Variants in FTCDNL1 observed in about 807,000 individuals in gnomAD.
FTCDNL1 encodes the protein formiminotransferase N-terminal subdomain-containing protein.
In FTCDNL1, 11 loss-of-function variants were observed where a neutral mutation model predicts 5.9. That is an observed-to-expected ratio of 1.87 (90% CI 1.18 to 3.10). The LOEUF is 3.10. FTCDNL1 is among the 30% of genes most tolerant of loss of function. FTCDNL1 has a pLI of 0.00. For synonymous variants in FTCDNL1, 58 were observed against 24.8 expected (o/e 2.34, Z -3.99); for missense variants, 115 against 65.5 (o/e 1.76, Z -2.61).
At chr2:199,703,403 GA>G in the FTCDNL1 span, among the ~76,000 whole-genome samples, 1 of 152,172 alleles carries the variant, frequency 6.6e-6, no homozygotes, top group Non-Finnish European at 1.5e-5. Context: ...GAGTCAGCAT[GA>G]AAAGAGGAAT....
At chr2:199,849,332 GT>G (rs977424975) in intron 1 of FTCDNL1, among the ~76,000 whole-genome samples, 1 of 151,930 alleles carries the variant, frequency 6.6e-6, no homozygotes, top group African/African-American at 2.4e-5. Flanking sequence ...AAACAGGTAT[GT>G]TTTTTTTGTT....
chr2:199,690,821 TTC>T, the FTCDNL1 span, among the ~76,000 whole-genome samples: 6 of 152,282 alleles, frequency 3.9e-5, no homozygotes, highest in African/African-American at 1.2e-4. Context: ...AAGAAGGAAT[TTC>T]TGTTTCCTAT....
intron 3 of FTCDNL1, among the ~76,000 whole-genome samples, chr2:199,776,491 G>A (rs1453081232): frequency 1.3e-5 from 2 of 152,156 alleles, no homozygotes; most frequent in Non-Finnish European, 2.9e-5. Flanking sequence ...GGCATATCTA[G>A]TCCAGCACTG....
the FTCDNL1 span, among the ~76,000 whole-genome samples, chr2:199,684,645 T>C: frequency 3.3e-5 from 5 of 152,190 alleles, no homozygotes; most frequent in Non-Finnish European, 7.3e-5. Context: ...ATCCCCTGGA[T>C]CAATTACACA....
chr2:199,665,755 C>A, the FTCDNL1 span, among the ~76,000 whole-genome samples: 2 of 36,554 alleles, frequency 5.5e-5, no homozygotes, highest in African/African-American at 1.7e-4. Flanking sequence ...GTCAGGAGAT[C>A]GAGAAAGAAG....
chr2:199,831,898 C>T (rs1702396588), intron 3 of FTCDNL1, among the ~76,000 whole-genome samples: 1 of 152,172 alleles, frequency 6.6e-6, no homozygotes, highest in African/African-American at 2.4e-5. Flanking sequence ...GTGTCGAGGT[C>T]TGCTTTCCAG....
intron 3 of FTCDNL1, among the ~76,000 whole-genome samples, chr2:199,771,907 C>T (rs1427242803): frequency 6.6e-6 from 1 of 152,184 alleles, no homozygotes. Context: ...GCTCTGTATA[C>T]ACTATGTTTT....
chr2:199,717,130 T>A, the FTCDNL1 span, among the ~76,000 whole-genome samples: 1 of 152,198 alleles, frequency 6.6e-6, no homozygotes, highest in African/African-American at 2.4e-5. Context: ...AATATGAACA[T>A]GGCTTGTGTC....
intron 3 of FTCDNL1, among the ~76,000 whole-genome samples, chr2:199,844,159 A>AT (rs11389472): frequency 0.055 from 7,990 of 145,114 alleles, 301 homozygotes; most frequent in East Asian, 0.14. Context: ...AAAATTATTG[A>AT]TTTTTTTTTT....
rs1417329711 is a variant in FTCDNL1 at position 199,851,126 on chromosome 2, C to T, written c.-394G>A. The stretch of plus-strand genomic sequence containing the variant: ...GCGACCGCCCAGCCCAAGTCGCCGC[C>T]GCGCGTGGCCCGCGCGCAGCCTCCG... On this transcript the variant is annotated 5_prime_UTR_variant, in exon 1 of 5. Coordinates refer to ENST00000420128, the MANE Select transcript of FTCDNL1 (RefSeq NM_001363886.2). 1 of 137,820 alleles carries T rather than the reference C, an allele frequency of 7.3e-6. No individual in the cohort carries two copies. Among genetic ancestry groups the T allele is most frequent in the African/African-American group, 3.0e-5 (1 of 32,888 alleles). The allele number at this position is 137,820 out of a possible 1,614,324, so 8.5% of individuals were successfully genotyped here.
the FTCDNL1 span, among the ~76,000 whole-genome samples, chr2:199,741,795 T>C: frequency 6.6e-6 from 1 of 152,124 alleles, no homozygotes; most frequent in East Asian, 1.9e-4. Flanking sequence ...ATATTAATGC[T>C]CTGAAAATCC....
the FTCDNL1 span, among the ~76,000 whole-genome samples, chr2:199,747,462 GT>G: frequency 6.6e-6 from 1 of 152,138 alleles, no homozygotes; most frequent in Non-Finnish European, 1.5e-5. Flanking sequence ...CAGAGGGTTT[GT>G]TTTTGTTTGG....
rs1232933513 is a variant in FTCDNL1, at chr2:199,851,012, G to T, written c.-280C>A. On this transcript the variant is annotated 5_prime_UTR_variant, in exon 1 of 5. Coordinates refer to ENST00000420128, the MANE Select transcript of FTCDNL1 (RefSeq NM_001363886.2). ...GGGCAGCCGGCGGCTGCGCTGCCCC[G>T]GCCGAGCTCTCGAACCAGCGGCCGC... 2.6e-5 allele frequency: 4 copies of T among 151,632 alleles called. No individual in the cohort carries two copies. The highest frequency in any genetic ancestry group is 5.9e-5 in the Non-Finnish European group (4 of 67,696). The allele number at this position is 151,632 out of a possible 1,614,324, so 9.4% of individuals were successfully genotyped here.
the FTCDNL1 span, among the ~76,000 whole-genome samples, chr2:199,705,830 T>C: frequency 1.3e-5 from 2 of 152,190 alleles, no homozygotes; most frequent in Non-Finnish European, 2.9e-5. Flanking sequence ...CTGTGAAGGA[T>C]AAAGGAGGAG....
the FTCDNL1 span, among the ~76,000 whole-genome samples, chr2:199,749,680 G>C: frequency 6.6e-6 from 1 of 152,112 alleles, no homozygotes; most frequent in Non-Finnish European, 1.5e-5. Flanking sequence ...ACTCTAGAAG[G>C]TGCATGTTTT....
the FTCDNL1 span, among the ~76,000 whole-genome samples, chr2:199,754,323 G>A: frequency 2.6e-5 from 4 of 152,186 alleles, no homozygotes; most frequent in Non-Finnish European, 5.9e-5. Context: ...TCATGCCCCA[G>A]AGGGAAGTGG....
intron 3 of FTCDNL1, among the ~76,000 whole-genome samples, chr2:199,789,080 T>C (rs1208757012): frequency 6.6e-6 from 1 of 151,464 alleles, no homozygotes; most frequent in Non-Finnish European, 1.5e-5. Context: ...TTGTTATAGT[T>C]GTAAACTTAC....
At chr2:199,836,604 A>G (rs1047137739) in intron 3 of FTCDNL1, among the ~76,000 whole-genome samples, 1 of 152,170 alleles carries the variant, frequency 6.6e-6, no homozygotes, top group Non-Finnish European at 1.5e-5. Flanking sequence ...CCCATCCTAC[A>G]AAAAATACAA....
At chr2:199,672,683 C>T in the FTCDNL1 span, among the ~76,000 whole-genome samples, 3 of 151,990 alleles carry the variant, frequency 2.0e-5, no homozygotes, top group Non-Finnish European at 4.4e-5. Context: ...CAGCTGGCAA[C>T]TGGAATAACT....
Sources: allele counts gnomAD v4.1 joint callset (sites outside exome capture counted in the v4.1 genomes callset), GRCh38; gene constraint gnomAD v4.1.1; transcripts MANE v1.5; gene names NCBI Gene and HGNC (gene_info 2026-07-23, HGNC 2026-07-21).